Variants in RGS22 observed in about 807,000 individuals in gnomAD.
RGS22 encodes the protein regulator of G protein signaling 22, also known as regulator of G-protein signaling 22.
A neutral mutation model predicts 172.9 loss-of-function variants in RGS22; 148 were observed. The observed-to-expected ratio is 0.86, with a 90% CI of 0.75 to 0.98. The LOEUF (loss-of-function observed/expected upper bound fraction) is 0.98, where lower values mean the gene tolerates loss of function less well. RGS22 is among the 50% of genes least tolerant of loss of function. The pLI is 0.00. For missense variants in RGS22, 1,347 were observed against 1,440.8 expected, an observed-to-expected ratio of 0.93 and a Z score of 1.05; for synonymous variants, 458 against 480.2, an observed-to-expected ratio of 0.95 and a Z score of 0.60.
intron 3 of RGS22, among the ~76,000 whole-genome samples, chr8:100,081,802 G>A (rs1365899974): frequency 6.6e-6 from 1 of 152,058 alleles, no homozygotes; most frequent in Admixed American, 6.6e-5. Flanking sequence ...ATATTAATGG[G>A]AGTAGGAGAA....
chr8:99,965,540 G>A lies in RGS22; in HGVS notation c.3520-110C>T, dbSNP rs890809844. Reference sequence around the variant, plus strand: ...TATGACATAATATTTCATAGTGAGTGCTGCACTTAAGGTTTCATCAAGTCA... The same window carrying A: ...TATGACATAATATTTCATAGTGAGTACTGCACTTAAGGTTTCATCAAGTCA... On this transcript the variant is annotated intron_variant, in intron 23 of 27. Transcript: ENST00000360863. 5.4e-6 allele frequency: 4 copies of A among 735,570 alleles called. No individual in the cohort carries two copies. In the African/African-American group the frequency reaches 7.0e-5, roughly 13 times the overall value. 45.6% of individuals were successfully genotyped at this position (735,570 alleles called of 1,614,324 possible). A position where few individuals can be genotyped will look rare whatever the true frequency, so the allele number is the denominator to read the frequency against.
At position 100,041,499 on chromosome 8, in the gene RGS22, A is replaced by AT. The variant is rs200132761; in HGVS notation, c.1938+302_1938+303insA. ...AGCAAGACTCTATCTCAAAAAAAAA[A>AT]AAAAATTCTAGGCTTCTAAAATGTA... On this transcript the variant is annotated intron_variant, in intron 12 of 27. Transcript: ENST00000360863. Among the ~76,000 whole-genome samples, 1,376 of 151,984 alleles carry AT rather than the reference A, an allele frequency of 9.1e-3. 25 individuals carry two copies. The highest frequency in any genetic ancestry group is 0.032 in the African/African-American group (1,310 of 41,442).
chr8:100,085,238 A>G (rs946639630), intron 3 of RGS22, among the ~76,000 whole-genome samples: 4 of 152,196 alleles, frequency 2.6e-5, no homozygotes, highest in Non-Finnish European at 4.4e-5. Flanking sequence ...TTCCTTTGTT[A>G]GCTCATTCAT....
intron 23 of RGS22, among the ~76,000 whole-genome samples, chr8:99,977,369 C>T (rs1375073915): frequency 1.3e-5 from 2 of 151,026 alleles, no homozygotes; most frequent in Non-Finnish European, 2.9e-5. Context: ...GCAATCCGCC[C>T]GTCTCGGCCT....
chr8:99,999,849 GTTAA>G (rs1339037242), intron 18 of RGS22, among the ~76,000 whole-genome samples: 2 of 152,162 alleles, frequency 1.3e-5, no homozygotes, highest in Non-Finnish European at 2.9e-5. Context: ...AGGAAAATGT[GTTAA>G]TTAAACGACA....
At chr8:100,050,320 CT>C (rs1821147803) in intron 10 of RGS22, among the ~76,000 whole-genome samples, 5 of 152,242 alleles carry the variant, frequency 3.3e-5, no homozygotes, top group Admixed American at 6.5e-5. Flanking sequence ...AGCCAAACCC[CT>C]GATTTTACAG....
intron 9 of RGS22, 82 bp from the exon 10 acceptor site, chr8:100,053,058 G>C: frequency 8.0e-7 from 1 of 1,251,634 alleles, no homozygotes. Context: ...CATAATAGCT[G>C]TGCTCACAAT....
At position 100,029,697 on chromosome 8, in the gene RGS22, C is replaced by T. The variant is rs557247219; in HGVS notation, c.2166+9234G>A. 7.6e-4 allele frequency among the ~76,000 whole-genome samples: 89 copies of T among 117,184 alleles called. 1 individual carries two copies. The highest frequency in any genetic ancestry group is 3.0e-3 in the African/African-American group (83 of 27,990). The allele number at this position is 117,184 out of a possible 152,430, so 76.9% of individuals were successfully genotyped here. A position where few individuals can be genotyped will look rare whatever the true frequency, so the allele number is the denominator to read the frequency against. On this transcript the variant is annotated intron_variant, in intron 14 of 27. Transcript: ENST00000360863. Reference sequence around the variant, plus strand: ...CAGCCTGGGCAACAAGGCGAAACTCCGTCTCAAAAAAAAAAAAAAAAAAAA... The same window carrying T: ...CAGCCTGGGCAACAAGGCGAAACTCTGTCTCAAAAAAAAAAAAAAAAAAAA...
At chr8:100,074,860 C>T (rs1367558235) in intron 4 of RGS22, among the ~76,000 whole-genome samples, 1 of 152,036 alleles carries the variant, frequency 6.6e-6, no homozygotes, top group Non-Finnish European at 1.5e-5. Context: ...TTCTGCCTCC[C>T]AGGTTCACGC....
At chr8:100,017,420 A>G (rs1028916287) in intron 14 of RGS22, among the ~76,000 whole-genome samples, 3 of 152,186 alleles carry the variant, frequency 2.0e-5, no homozygotes, top group Non-Finnish European at 4.4e-5. Flanking sequence ...CCTCCCCAGG[A>G]TGGTAGGGAC....
chr8:100,031,649 A>C (rs996006966), intron 14 of RGS22, among the ~76,000 whole-genome samples: 3 of 152,006 alleles, frequency 2.0e-5, no homozygotes, highest in African/African-American at 7.2e-5. Flanking sequence ...AAATATCATT[A>C]TGTATGCTAT....
chr8:99,987,164 T>C (rs987367172), intron 21 of RGS22, among the ~76,000 whole-genome samples: 3 of 152,194 alleles, frequency 2.0e-5, no homozygotes, highest in African/African-American at 7.2e-5. Flanking sequence ...TTAAGTATCA[T>C]GTTGGCACTC....
intron 24 of RGS22, among the ~76,000 whole-genome samples, chr8:99,963,824 G>C (rs2131074517): frequency 6.6e-6 from 1 of 152,190 alleles, no homozygotes; most frequent in African/African-American, 2.4e-5. Flanking sequence ...GGAAGTCTTG[G>C]AACCACCCCA....
chr8:100,018,360 A>G (rs1301453244), intron 14 of RGS22, among the ~76,000 whole-genome samples: 1 of 152,202 alleles, frequency 6.6e-6, no homozygotes, highest in Non-Finnish European at 1.5e-5. Context: ...GATGGATACC[A>G]TGAGACAGAA....
chr8:100,008,482 G>C lies in RGS22; in HGVS notation c.2254C>G (p.Gln752Glu), dbSNP rs1387168627. The change falls in exon 15 of 28, where the codon CAG (glutamine) becomes GAG (glutamate). Residue 752 changes from glutamine to glutamate, a missense_variant. Gln to Glu is a conservative substitution (Grantham distance 29). Transcript: ENST00000360863. Reference sequence around the variant, plus strand: ...TCAAAAAGGTCTTCAAATGGTGGCTGTATTTTCATATAAATTTCTTTTTTC... The same window carrying C: ...TCAAAAAGGTCTTCAAATGGTGGCTCTATTTTCATATAAATTTCTTTTTTC... ...EKKKEIYMKIQPPFEDLFDTA... is the reference protein window; with the variant it reads ...EKKKEIYMKIEPPFEDLFDTA... The C allele has an allele frequency of 6.2e-7, 1 of 1,613,320 alleles. No homozygotes were observed. The highest frequency in any genetic ancestry group is 1.1e-5 in the South Asian group (1 of 90,950).
intron 3 of RGS22, among the ~76,000 whole-genome samples, chr8:100,086,779 G>C (rs1812196999): frequency 6.6e-6 from 1 of 152,090 alleles, no homozygotes; most frequent in Non-Finnish European, 1.5e-5. Context: ...TCTGGGGAAG[G>C]AGCTCAGCAC....
At chr8:99,993,137 A>G (rs937068048) in intron 20 of RGS22, among the ~76,000 whole-genome samples, 4 of 152,256 alleles carry the variant, frequency 2.6e-5, no homozygotes, top group Non-Finnish European at 5.9e-5. Flanking sequence ...GGAAATTTAT[A>G]GCACTAAATG....
chr8:100,101,835 G>GA (rs901486804), intron 2 of RGS22, among the ~76,000 whole-genome samples: 6 of 142,080 alleles, frequency 4.2e-5, no homozygotes, highest in East Asian at 2.1e-4. Flanking sequence ...AATACAATAT[G>GA]AAAAAAAAGC....
intron 3 of RGS22, among the ~76,000 whole-genome samples, chr8:100,081,362 G>GTATGTA (rs1554636414): frequency 3.5e-5 from 5 of 143,492 alleles, no homozygotes; most frequent in African/African-American, 5.1e-5. Flanking sequence ...GTGCGTGTAT[G>GTATGTA]TATATATATA....
Sources: gnomAD v4.1 joint callset for allele counts (sites outside exome capture counted in the v4.1 genomes callset) on GRCh38, gnomAD v4.1.1 for gene constraint, MANE v1.5 for transcripts, NCBI Gene and HGNC (gene_info 2026-07-23, HGNC 2026-07-21) for gene names.